KIAA0319L: variants seen among roughly 807,000 people sequenced by gnomAD.
KIAA0319L encodes KIAA0319 like.
Under a neutral mutation model 120.1 loss-of-function variants are expected in KIAA0319L, and 55 were observed. That is an observed-to-expected ratio of 0.46 (90% CI 0.37 to 0.57). KIAA0319L has a LOEUF of 0.57. KIAA0319L is among the 20% of genes least tolerant of loss of function. The pLI, the probability that KIAA0319L is intolerant of heterozygous loss-of-function variation, is 0.00. For missense variants in KIAA0319L, 1,049 were observed against 1,255.3 expected (o/e 0.84, Z 2.48); for synonymous variants, 398 against 471.9 (o/e 0.84, Z 2.03).
At chr1:35,442,215 C>G in intron 19 of KIAA0319L, 31 bp downstream of exon 19, 2 of 1,521,916 alleles carry the variant, frequency 1.3e-6, no homozygotes, top group Non-Finnish European at 1.8e-6. Flanking sequence ...ACAAGAAGCC[C>G]GAATGAATTT....
At chr1:35,500,519 T>C (rs1238094876) in intron 3 of KIAA0319L, among the ~76,000 whole-genome samples, 2 of 152,244 alleles carry the variant, frequency 1.3e-5, no homozygotes, top group Non-Finnish European at 2.9e-5. Flanking sequence ...GGATTCAATA[T>C]ATGTATATTT....
At chr1:35,451,094 C>A (rs935639876) in intron 13 of KIAA0319L, among the ~76,000 whole-genome samples, 103 of 145,648 alleles carry the variant, frequency 7.1e-4, no homozygotes, top group African/African-American at 2.8e-3. Context: ...CTGCTATCAA[C>A]TTAAGGCCCT....
At position 35,456,255 on chromosome 1, in the gene KIAA0319L, G is replaced by C. The variant is rs1230892755; in HGVS notation, c.1428-14C>G. 2.7e-6 allele frequency: 4 copies of C among 1,501,316 alleles called. No individual in the cohort carries two copies. Among genetic ancestry groups the C allele is most frequent in the African/African-American group, 2.8e-5 (2 of 72,264 alleles). 93.0% of individuals were successfully genotyped at this position (1,501,316 alleles called of 1,614,324 possible). On this transcript the variant is annotated splice_polypyrimidine_tract_variant and intron_variant, in intron 9 of 20. Transcript: ENST00000325722. Reference sequence around the variant, plus strand: ...ACTACAGTCAAGCTATCAGGGCAGAGAGAGGAGTGTGATCAGGGACGGGTT... The same window carrying C: ...ACTACAGTCAAGCTATCAGGGCAGACAGAGGAGTGTGATCAGGGACGGGTT...
chr1:35,549,765 T>C (rs1647129467), intron 2 of KIAA0319L, among the ~76,000 whole-genome samples: 1 of 152,234 alleles, frequency 6.6e-6, no homozygotes, highest in East Asian at 1.9e-4. Flanking sequence ...AAAGTGCCTT[T>C]CCATATCTCT....
intron 16 of KIAA0319L, among the ~76,000 whole-genome samples, chr1:35,445,708 G>A (rs188060242): frequency 1.3e-5 from 2 of 152,226 alleles, no homozygotes; most frequent in African/African-American, 4.8e-5. Flanking sequence ...ACACTAGTAG[G>A]GCAGGGCTCA....
chr1:35,555,127 C>G (rs1647770744), intron 1 of KIAA0319L: 1 of 152,202 alleles, frequency 6.6e-6, no homozygotes. Flanking sequence ...AGGCACTATG[C>G]TGGCTACTCC....
intron 3 of KIAA0319L, among the ~76,000 whole-genome samples, chr1:35,488,366 G>A (rs1191896167): frequency 6.6e-6 from 1 of 152,154 alleles, no homozygotes; most frequent in African/African-American, 2.4e-5. Context: ...TAGATCTGGG[G>A]TTTGGGGAAG....
chr1:35,530,028 T>A (rs1377062286), intron 2 of KIAA0319L, among the ~76,000 whole-genome samples: 1 of 151,840 alleles, frequency 6.6e-6, no homozygotes, highest in Non-Finnish European at 1.5e-5. Flanking sequence ...TAAAGACCTG[T>A]CTTCAAGTTC....
intron 7 of KIAA0319L, among the ~76,000 whole-genome samples, chr1:35,464,303 A>C (rs1643102621): frequency 6.6e-6 from 1 of 152,188 alleles, no homozygotes; most frequent in African/African-American, 2.4e-5. Context: ...ATGGACAATA[A>C]AGTTCAGGTT....
rs1645230735 is a variant in KIAA0319L, at chr1:35,506,972, T to G, written c.306A>C (p.Glu102Asp). The stretch of plus-strand genomic sequence containing the variant: ...TGCAGTCTGCCTGAATGCACATCCC[T>G]TCTAGCCACCAAAAGACATGGCAGG... ...DSACHVFWWLEGMCIQADCSR... is the reference protein window; with the variant it reads ...DSACHVFWWLDGMCIQADCSR... The change falls in exon 3 of 21, where the codon GAA becomes GAC. Residue 102 changes from glutamate to aspartate, a missense_variant. By Grantham distance (45) the Glu-to-Asp change is conservative. Transcript: ENST00000325722. This position sits in a 1 kb window ranked among gnomAD's most constrained non-coding sequence, Gnocchi z 4.0. The G allele has an allele frequency of 6.2e-7, 1 of 1,613,666 alleles. No individual in the cohort carries two copies. The highest frequency in any genetic ancestry group is 1.3e-5 in the African/African-American group (1 of 75,036).
intron 15 of KIAA0319L, 80 bp from the exon 16 acceptor site, chr1:35,448,412 C>A: frequency 7.5e-7 from 1 of 1,332,740 alleles, no homozygotes; most frequent in Non-Finnish European, 1.1e-6. Flanking sequence ...TGCTTTGGCA[C>A]AGGAGAGAAA....
intron 6 of KIAA0319L, among the ~76,000 whole-genome samples, chr1:35,467,974 C>A (rs979389503): frequency 6.6e-6 from 1 of 152,150 alleles, no homozygotes; most frequent in Non-Finnish European, 1.5e-5. Flanking sequence ...CAGGCTTGAG[C>A]CACTGCACCC....
chr1:35,435,081 C>G lies in KIAA0319L; in HGVS notation c.2963G>C (p.Gly988Ala). 6.2e-7 allele frequency: 1 copy of G among 1,613,276 alleles called. No homozygotes were observed. Among genetic ancestry groups the G allele is most frequent in the Non-Finnish European group, 8.5e-7 (1 of 1,179,476 alleles). Residue 988 changes from glycine (G) to alanine (A), a missense_variant and splice_region_variant, in exon 21 of 21, where the codon GGC becomes GCC. By Grantham distance (60) the Gly-to-Ala change is moderately conservative. Coordinates refer to ENST00000325722, the MANE Select transcript of KIAA0319L (RefSeq NM_024874.5). ...SLELKPTSRA[G>A]IKQKGLLLSS... ...TAGCAAAAGGCCTTTCTGTTTGATGCCTGCAGGGAAAACAAGGAATCCAGC... is the reference window on the plus strand; with the variant it reads ...TAGCAAAAGGCCTTTCTGTTTGATGGCTGCAGGGAAAACAAGGAATCCAGC...
rs1270326783 is a variant in KIAA0319L, at chr1:35,434,967, T to C, written c.3077A>G (p.His1026Arg). The stretch of plus-strand genomic sequence containing the variant: ...GTTGGGTACAGAGCCATTCTGACCA[T>C]GCAGGAGTTTGCCCTTCTCTCGGTC... ...WPDREKGKLL[H>R]GQNGSVPNGQ... The change falls in exon 21 of 21, where the codon CAT (histidine) becomes CGT (arginine). Residue 1026 changes from histidine to arginine, a missense_variant. His to Arg is a conservative substitution (Grantham distance 29). Transcript: ENST00000325722. The C allele has an allele frequency of 1.2e-6, 2 of 1,614,020 alleles. No homozygotes were observed. The highest frequency in any genetic ancestry group is 1.1e-5 in the South Asian group (1 of 91,078).
At chr1:35,509,423 C>T (rs561384696) in intron 2 of KIAA0319L, among the ~76,000 whole-genome samples, 1 of 152,302 alleles carries the variant, frequency 6.6e-6, no homozygotes, top group South Asian at 2.1e-4. Context: ...ATTTTAAATG[C>T]TTATTTCAGA....
At chr1:35,482,421 T>C (rs1483614561) in intron 3 of KIAA0319L, among the ~76,000 whole-genome samples, 1 of 151,626 alleles carries the variant, frequency 6.6e-6, no homozygotes, top group Non-Finnish European at 1.5e-5. Flanking sequence ...TAACCACTCA[T>C]CTACAGGTCT....
At chr1:35,470,360 G>A (rs1447715858) in intron 6 of KIAA0319L, among the ~76,000 whole-genome samples, 2 of 151,824 alleles carry the variant, frequency 1.3e-5, no homozygotes, top group Non-Finnish European at 2.9e-5. Flanking sequence ...AGGTATAATG[G>A]CATGACCCTG....
At chr1:35,479,306 G>A in intron 3 of KIAA0319L, 94 bp from the exon 4 acceptor site, 2 of 1,011,918 alleles carry the variant, frequency 2.0e-6, no homozygotes, top group Non-Finnish European at 2.9e-6. Context: ...ATGTTCTCTT[G>A]AAAAATGCAA....
At chr1:35,489,023 C>G (rs1371893545) in intron 3 of KIAA0319L, among the ~76,000 whole-genome samples, 18 of 152,146 alleles carry the variant, frequency 1.2e-4, no homozygotes, top group Admixed American at 1.2e-3. Context: ...TTGCAAGTAT[C>G]AAGTTTGAAC....
Sources: allele counts gnomAD v4.1 joint callset (sites outside exome capture counted in the v4.1 genomes callset), GRCh38; gene constraint gnomAD v4.1.1; non-coding constraint Gnocchi (gnomAD v3.1); transcripts MANE v1.5; gene names NCBI Gene and HGNC (gene_info 2026-07-23, HGNC 2026-07-21).